Variants in RNMT observed in about 807,000 individuals in gnomAD.
RNMT encodes the protein mRNA cap guanine-N(7) methyltransferase.
A neutral mutation model predicts 56.0 loss-of-function variants in RNMT; 27 were observed. The observed-to-expected ratio is 0.48, with a 90% CI of 0.36 to 0.67. RNMT has a LOEUF of 0.67. RNMT is among the 30% of genes least tolerant of loss of function. RNMT has a pLI of 0.00. For synonymous variants in RNMT, 184 were observed against 176.2 expected (o/e 1.04, Z -0.35); for missense variants, 519 against 552.1 (o/e 0.94, Z 0.60).
intron 9 of RNMT, among the ~76,000 whole-genome samples, 163 bp downstream of exon 9, chr18:13,746,500 A>C (rs887648327): frequency 6.6e-6 from 1 of 152,234 alleles, no homozygotes; most frequent in African/African-American, 2.4e-5. Context: ...AGTGCTCAGT[A>C]AATACTTGAT....
At position 13,732,829 on chromosome 18, in the gene RNMT, T is replaced by A. The variant is rs890191632; in HGVS notation, c.417+895T>A. ...GGTGTAAACTCGGCTCACTGCAACC[T>A]CCACCTCCCGGGACCTCCACCTCCC... On this transcript the variant is annotated intron_variant, in intron 3 of 11. Coordinates refer to ENST00000383314, the MANE Select transcript of RNMT (RefSeq NM_003799.3). Among the ~76,000 whole-genome samples the A allele has an allele frequency of 2.3e-5, 3 of 130,092 alleles. No individual in the cohort carries two copies. The South Asian group carries it at 8.2e-4, about 35-fold the overall frequency. 85.3% of individuals were successfully genotyped at this position (130,092 alleles called of 152,430 possible).
intron 8 of RNMT, 57 bp downstream of exon 8, chr18:13,742,709 G>T: frequency 7.7e-7 from 1 of 1,299,490 alleles, no homozygotes; most frequent in South Asian, 1.4e-5. Context: ...AAAGAAAAGC[G>T]GGGAAAAGCA....
intron 2 of RNMT, 72 bp from the exon 3 acceptor site, chr18:13,731,404 G>A (rs1431375077): frequency 5.2e-5 from 33 of 639,914 alleles, no homozygotes; most frequent in Admixed American, 1.6e-4. Context: ...GTGAAACTCC[G>A]TCTCAAAAAA....
At position 13,761,469 on chromosome 18, in the gene RNMT, C is replaced by G. The variant is rs947505614; in HGVS notation, c.*1490C>G. The G allele has an allele frequency of 1.6e-5, 16 of 986,006 alleles. No homozygotes were observed. The Middle Eastern group carries it at 1.6e-3, about 97-fold the overall frequency. 61.1% of individuals were successfully genotyped at this position (986,006 alleles called of 1,614,324 possible). A position where few individuals can be genotyped will look rare whatever the true frequency, so the allele number is the denominator to read the frequency against. ...GATAGCTTTGTAGGTACAGGAAAAA[C>G]ATCATCATTATTTCCTCTGTTCACA... On this transcript the variant is annotated 3_prime_UTR_variant, in exon 12 of 12. Coordinates refer to ENST00000383314, the MANE Select transcript of RNMT (RefSeq NM_003799.3).
At chr18:13,730,272 T>C (rs1199854263) in intron 1 of RNMT, among the ~76,000 whole-genome samples, 1 of 152,236 alleles carries the variant, frequency 6.6e-6, no homozygotes, top group Non-Finnish European at 1.5e-5. Context: ...AATGTAGGTC[T>C]AAAAACATAT....
intron 9 of RNMT, among the ~76,000 whole-genome samples, chr18:13,750,704 A>T (rs1004024721): frequency 6.6e-6 from 1 of 151,958 alleles, no homozygotes; most frequent in Non-Finnish European, 1.5e-5. Context: ...CAGGAGGTTG[A>T]GGTGGAGGAT....
chr18:13,748,917 TA>T (rs1310160600), intron 9 of RNMT, among the ~76,000 whole-genome samples: 1 of 152,062 alleles, frequency 6.6e-6, no homozygotes, highest in East Asian at 1.9e-4. Context: ...CCGTCTCTAC[TA>T]AAAATACAAA....
At chr18:13,755,857 G>A (rs1028051242) in intron 11 of RNMT, among the ~76,000 whole-genome samples, 14 of 152,148 alleles carry the variant, frequency 9.2e-5, no homozygotes, top group African/African-American at 3.4e-4. Flanking sequence ...GCTTAGAACT[G>A]TATTTTTATA....
At chr18:13,746,950 C>T (rs1304598743) in intron 9 of RNMT, among the ~76,000 whole-genome samples, 2 of 152,188 alleles carry the variant, frequency 1.3e-5, no homozygotes, top group African/African-American at 4.8e-5. Flanking sequence ...CCTAATGCAG[C>T]AGTGAAGGTA....
intron 5 of RNMT, among the ~76,000 whole-genome samples, chr18:13,739,257 C>T (rs554602221): frequency 1.5e-3 from 222 of 152,234 alleles, no homozygotes; most frequent in African/African-American, 5.1e-3. Context: ...TTGTTACTTC[C>T]CATTTCATCA....
chr18:13,744,413 G>T (rs1475340683), intron 8 of RNMT, among the ~76,000 whole-genome samples: 12 of 151,564 alleles, frequency 7.9e-5, no homozygotes, highest in Non-Finnish European at 1.8e-4. Flanking sequence ...TTTTTTAGGT[G>T]TAAAACTTGG....
chr18:13,759,826 T>C (rs2044597741), intron 11 of RNMT, 116 bp from the exon 12 acceptor site: 3 of 801,370 alleles, frequency 3.7e-6, no homozygotes, highest in South Asian at 1.6e-5. Flanking sequence ...ATGGGGATTT[T>C]CCTCTTCAGA....
intron 11 of RNMT, among the ~76,000 whole-genome samples, chr18:13,754,381 G>T (rs936977055): frequency 6.6e-6 from 1 of 152,086 alleles, no homozygotes; most frequent in Non-Finnish European, 1.5e-5. Context: ...GGTGGCATGT[G>T]CCTGTAGTCC....
At position 13,737,207 on chromosome 18, in the gene RNMT, A is replaced by G. The variant is rs977963143; in HGVS notation, c.679+72A>G. 4.4e-6 allele frequency: 6 copies of G among 1,371,990 alleles called. No homozygotes were observed. In the African/African-American group the frequency reaches 4.4e-5, roughly 10 times the overall value. 85.0% of individuals were successfully genotyped at this position (1,371,990 alleles called of 1,614,324 possible). A position where few individuals can be genotyped will look rare whatever the true frequency, so the allele number is the denominator to read the frequency against. On this transcript the variant is annotated intron_variant, in intron 5 of 11. Transcript: ENST00000383314. Reference sequence around the variant, plus strand: ...ATGGAAAATAAGAAGGATTGTCTCAAATTGCAAGATATCTGGGACTATGCA... The same window carrying G: ...ATGGAAAATAAGAAGGATTGTCTCAGATTGCAAGATATCTGGGACTATGCA...
chr18:13,750,624 A>G (rs2044425445), intron 9 of RNMT, among the ~76,000 whole-genome samples: 1 of 151,658 alleles, frequency 6.6e-6, no homozygotes, highest in South Asian at 2.1e-4. Flanking sequence ...ACATACTGAA[A>G]CCTTGTCCCT....
Position 13,764,468 on chromosome 18 carries a change from T to G in RNMT, c.*4489T>G, listed in dbSNP as rs1419109656. On this transcript the variant is annotated 3_prime_UTR_variant, in exon 12 of 12. Transcript: ENST00000383314. ...TTTCACCAATATTATGTTTGTGAGATTTTTGTTGCATGTATTTGTACATGG... is the reference window on the plus strand; with the variant it reads ...TTTCACCAATATTATGTTTGTGAGAGTTTTGTTGCATGTATTTGTACATGG... The G allele has an allele frequency of 6.6e-6, 1 of 152,156 alleles. No homozygotes were observed. The highest frequency in any genetic ancestry group is 2.4e-5 in the African/African-American group (1 of 41,426). 9.4% of individuals were successfully genotyped at this position (152,156 alleles called of 1,614,324 possible).
At chr18:13,751,468 CAG>C (rs776053862) in intron 9 of RNMT, among the ~76,000 whole-genome samples, 1 of 152,276 alleles carries the variant, frequency 6.6e-6, no homozygotes, top group East Asian at 1.9e-4. Flanking sequence ...CAGGAAACAA[CAG>C]ATGCTGGAGA....
chr18:13,728,673 G>C (rs563156629), intron 1 of RNMT, among the ~76,000 whole-genome samples: 1 of 151,878 alleles, frequency 6.6e-6, no homozygotes, highest in South Asian at 2.1e-4. Flanking sequence ...GATAAAAGCC[G>C]TTTTAACCGA....
chr18:13,727,902 ATGT>A (rs1240210415), intron 1 of RNMT, among the ~76,000 whole-genome samples: 1 of 152,230 alleles, frequency 6.6e-6, no homozygotes, highest in African/African-American at 2.4e-5. Flanking sequence ...GGTTTCATCC[ATGT>A]TGTTGCAAAT....
Sources: gnomAD v4.1 joint callset for allele counts (sites outside exome capture counted in the v4.1 genomes callset) on GRCh38, gnomAD v4.1.1 for gene constraint, MANE v1.5 for transcripts, NCBI Gene and HGNC (gene_info 2026-07-23, HGNC 2026-07-21) for gene names.